CHRDL1: variants seen among roughly 807,000 people sequenced by gnomAD.
CHRDL1 encodes the protein chordin-like protein 1.
In CHRDL1, 19 loss-of-function variants were observed where a neutral mutation model predicts 40.9. That is an observed-to-expected ratio of 0.46 (90% CI 0.32 to 0.68). The LOEUF (loss-of-function observed/expected upper bound fraction) is 0.68. CHRDL1 is among the 30% of genes least tolerant of loss of function. The pLI is 0.03. For missense variants in CHRDL1, 329 were observed against 352.1 expected (o/e 0.93, Z 0.53); for synonymous variants, 136 against 123.4 (o/e 1.10, Z -0.68).
At chrX:110,775,668 C>G (rs1338472982) in intron 2 of CHRDL1, among the ~76,000 whole-genome samples, 1 of 111,624 alleles carries the variant, frequency 9.0e-6, no homozygotes, top group Non-Finnish European at 1.9e-5. Context: ...CTGACAGTCT[C>G]TGTCTTTTAA....
chrX:110,685,671 A>G (rs571501487), intron 9 of CHRDL1, among the ~76,000 whole-genome samples: 2 of 111,466 alleles, frequency 1.8e-5, no homozygotes, highest in South Asian at 3.8e-4. Flanking sequence ...CTGCCATTCA[A>G]TCTTGGTCTA....
chrX:110,727,548 C>A (rs1453427116), intron 4 of CHRDL1, among the ~76,000 whole-genome samples: 1 of 111,666 alleles, frequency 9.0e-6, no homozygotes, highest in Non-Finnish European at 1.9e-5. Flanking sequence ...AGATTCATAA[C>A]CCAATGGTAA....
At chrX:110,744,847 T>G (rs756042402) in intron 4 of CHRDL1, among the ~76,000 whole-genome samples, 14 of 110,214 alleles carry the variant, frequency 1.3e-4, no homozygotes, top group Non-Finnish European at 2.3e-4. Flanking sequence ...TTATTGAGGG[T>G]ATACTATGGG....
intron 2 of CHRDL1, among the ~76,000 whole-genome samples, chrX:110,766,689 TG>T (rs1420166732): frequency 5.4e-5 from 3 of 55,414 alleles, no homozygotes; most frequent in Admixed American, 2.5e-4. Flanking sequence ...GAGATTGAAA[TG>T]GTAATTTAAA....
chrX:110,723,856 C>T (rs1179224288), intron 4 of CHRDL1, among the ~76,000 whole-genome samples: 2 of 112,589 alleles, frequency 1.8e-5, no homozygotes, highest in Non-Finnish European at 3.7e-5. Flanking sequence ...GTGTTAACTA[C>T]TTATTAATGA....
At chrX:110,769,110 T>C (rs1178114410) in intron 2 of CHRDL1, among the ~76,000 whole-genome samples, 1 of 111,958 alleles carries the variant, frequency 8.9e-6, no homozygotes. Flanking sequence ...TATTCTTTAC[T>C]CTCTATTCAT....
chrX:110,781,868 A>T (rs987009803), intron 2 of CHRDL1, among the ~76,000 whole-genome samples: 1 of 112,231 alleles, frequency 8.9e-6, no homozygotes. Context: ...TATTTAAGAT[A>T]GATTATTTCA....
intron 3 of CHRDL1, among the ~76,000 whole-genome samples, chrX:110,761,680 G>A (rs965791932): frequency 4.5e-5 from 5 of 111,858 alleles, no homozygotes; most frequent in South Asian, 7.5e-4. Context: ...CCCACAATGC[G>A]CAGGACAGCC....
At chrX:110,727,143 GGGAGGAGTA>G (rs1316104914) in intron 4 of CHRDL1, among the ~76,000 whole-genome samples, 123 of 112,011 alleles carry the variant, frequency 1.1e-3, no homozygotes, top group Middle Eastern at 4.6e-3. Flanking sequence ...ATGTTAAGTG[GGGAGGAGTA>G]TCAACTGCAT....
chrX:110,691,247 C>A (rs1255376492), intron 8 of CHRDL1, among the ~76,000 whole-genome samples: 1 of 104,565 alleles, frequency 9.6e-6, no homozygotes, highest in Non-Finnish European at 2.0e-5. Context: ...GAGCAAGCAT[C>A]TAGGATGCAG....
intron 7 of CHRDL1, among the ~76,000 whole-genome samples, chrX:110,699,009 T>C (rs988916492): frequency 2.7e-5 from 3 of 112,145 alleles, no homozygotes; most frequent in Admixed American, 9.4e-5. Flanking sequence ...TCTCACTTAC[T>C]ATAAAGCAGA....
At chrX:110,710,928 G>A (rs1175638656) in intron 6 of CHRDL1, among the ~76,000 whole-genome samples, 2 of 111,350 alleles carry the variant, frequency 1.8e-5, no homozygotes, top group Non-Finnish European at 3.8e-5. Flanking sequence ...GTATCTATGC[G>A]GAATTGGTTC....
chrX:110,781,627 A>G (rs1159932357), intron 2 of CHRDL1, among the ~76,000 whole-genome samples: 1 of 111,105 alleles, frequency 9.0e-6, no homozygotes, highest in Non-Finnish European at 1.9e-5. Flanking sequence ...AAGAAAGGGG[A>G]TAATAAAAGA....
intron 6 of CHRDL1, among the ~76,000 whole-genome samples, chrX:110,704,691 G>C (rs374045800): frequency 1.8e-5 from 2 of 111,614 alleles, no homozygotes; most frequent in East Asian, 5.6e-4. Context: ...GCAGGGATGA[G>C]CTTAGATTTA....
At chrX:110,745,986 T>C (rs774116243) in intron 4 of CHRDL1, among the ~76,000 whole-genome samples, 32 of 112,173 alleles carry the variant, frequency 2.9e-4, no homozygotes, top group African/African-American at 9.7e-4. Flanking sequence ...GTTGTGTTCC[T>C]ACTTATTGTG....
chrX:110,699,592 C>G (rs1386470814), intron 7 of CHRDL1, among the ~76,000 whole-genome samples: 3 of 112,290 alleles, frequency 2.7e-5, no homozygotes, highest in Admixed American at 1.9e-4. Context: ...TTAAGATTAG[C>G]ACACCTGACA....
rs1190800132 is a variant in CHRDL1, at chrX:110,689,552, A to C, written c.779-749T>G. Reference sequence around the variant, plus strand: ...TCTATATATCTCTATATCTCTATATATCTATATATCTATATATATCTATAT... The same window carrying C: ...TCTATATATCTCTATATCTCTATATCTCTATATATCTATATATATCTATAT... On this transcript the variant is annotated intron_variant, in intron 8 of 11. Coordinates refer to ENST00000372042, the MANE Select transcript of CHRDL1 (RefSeq NM_001143981.2). Among the ~76,000 whole-genome samples the C allele has an allele frequency of 3.6e-3, 120 of 33,742 alleles. 5 individuals are homozygous for C. The highest frequency in any genetic ancestry group is 4.9e-3 in the Admixed American group (11 of 2,233). The allele number at this position is 33,742 out of a possible 115,157, so 29.3% of individuals were successfully genotyped here.
chrX:110,689,484 C>CTATATATCTA (rs1318432526), intron 8 of CHRDL1, among the ~76,000 whole-genome samples: 2 of 34,251 alleles, frequency 5.8e-5, no homozygotes, highest in African/African-American at 8.1e-4. Context: ...ATCTATATAT[C>CTATATATCTA]TATATCTCTA....
chrX:110,754,090 C>T (rs780951457), intron 4 of CHRDL1, among the ~76,000 whole-genome samples: 1 of 112,210 alleles, frequency 8.9e-6, no homozygotes, highest in Admixed American at 9.4e-5. Flanking sequence ...CTTCCTCTTG[C>T]CTCAGTTGGG....
Sources: allele counts gnomAD v4.1 joint callset (sites outside exome capture counted in the v4.1 genomes callset), GRCh38; gene constraint gnomAD v4.1.1; transcripts MANE v1.5; gene names NCBI Gene and HGNC (gene_info 2026-07-23, HGNC 2026-07-21).